The following TRIM44 variants were observed in gnomAD, a reference collection of about 807,000 sequenced individuals.
TRIM44 encodes the protein tripartite motif containing 44.
TRIM44 carries 13 observed loss-of-function variants against 37.4 expected under a neutral mutation model. That is an observed-to-expected ratio of 0.35 (90% confidence interval 0.23 to 0.55). The LOEUF is 0.55. TRIM44 is among the 20% of genes least tolerant of loss of function. The pLI is 0.89. For missense variants in TRIM44, 426 were observed against 437.2 expected (o/e 0.97, Z 0.23); for synonymous variants, 175 against 157.2 (o/e 1.11, Z -0.85).
intron 2 of TRIM44, among the ~76,000 whole-genome samples, chr11:35,718,393 C>G (rs1416339833): frequency 2.0e-5 from 3 of 151,920 alleles, no homozygotes; most frequent in African/African-American, 7.3e-5. Context: ...GAAATGGCAC[C>G]AACATAATAT....
At chr11:35,722,082 G>A (rs892174758) in intron 2 of TRIM44, among the ~76,000 whole-genome samples, 2 of 152,220 alleles carry the variant, frequency 1.3e-5, no homozygotes, top group Non-Finnish European at 2.9e-5. Context: ...CAAGTGGGGA[G>A]GACACTGTGC....
Position 35,806,515 on chromosome 11 carries a change from TC to T in TRIM44, c.*132del. 1 of 962,236 alleles carries T rather than the reference TC, an allele frequency of 1.0e-6. No homozygotes were observed. The highest frequency in any genetic ancestry group is 1.7e-6 in the Non-Finnish European group (1 of 602,036). 59.6% of individuals were successfully genotyped at this position (962,236 alleles called of 1,614,324 possible). A position where few individuals can be genotyped will look rare whatever the true frequency, so the allele number is the denominator to read the frequency against. On this transcript the variant is annotated 3_prime_UTR_variant, in exon 5 of 5. Coordinates refer to ENST00000299413, the MANE Select transcript of TRIM44 (RefSeq NM_017583.6). The stretch of plus-strand genomic sequence containing the variant: ...TACTTCCACCAGATGTGTCCCCAGA[TC>T]CACAGCAGGCACATATCTCTCCAAG...
At chr11:35,681,472 A>G (rs1851520656) in intron 1 of TRIM44, among the ~76,000 whole-genome samples, 1 of 152,110 alleles carries the variant, frequency 6.6e-6, no homozygotes, top group Admixed American at 6.5e-5. Flanking sequence ...TTTTTATTCT[A>G]CACCTTCTTA....
At chr11:35,736,495 TTTTG>T (rs1457916888) in intron 4 of TRIM44, among the ~76,000 whole-genome samples, 1 of 152,210 alleles carries the variant, frequency 6.6e-6, no homozygotes, top group Non-Finnish European at 1.5e-5. Context: ...TTCTTTGTTA[TTTTG>T]TTTGTTTGTG....
intron 4 of TRIM44, among the ~76,000 whole-genome samples, chr11:35,760,971 G>A (rs1852717497): frequency 1.3e-5 from 2 of 152,056 alleles, no homozygotes; most frequent in African/African-American, 4.8e-5. Context: ...CCAGCCTCTG[G>A]TAACTATCAT....
In TRIM44 at chr11:35,813,452, G is replaced by A. The variant is rs1428477738; in HGVS notation, c.*7067G>A. ...CATCTAGTCATCAGGCACCTCCTCA[G>A]AACCTATTTGCTCTTCCTTCACACA... is the stretch of plus-strand genomic sequence containing the variant. On this transcript the variant is annotated 3_prime_UTR_variant, in exon 5 of 5. Coordinates refer to ENST00000299413, the MANE Select transcript of TRIM44 (RefSeq NM_017583.6). 6.6e-6 allele frequency: 1 copy of A among 152,142 alleles called. No homozygotes were observed. Among genetic ancestry groups the A allele is most frequent in the East Asian group, 1.9e-4 (1 of 5,194 alleles). The allele number at this position is 152,142 out of a possible 1,614,324, so 9.4% of individuals were successfully genotyped here. A position where few individuals can be genotyped will look rare whatever the true frequency, so the allele number is the denominator to read the frequency against.
At chr11:35,778,943 C>T (rs1565021247) in intron 4 of TRIM44, among the ~76,000 whole-genome samples, 4 of 152,172 alleles carry the variant, frequency 2.6e-5, no homozygotes, top group Admixed American at 6.5e-5. Flanking sequence ...TCTCAAACGC[C>T]GTTGTGGGAG....
chr11:35,764,497 T>A (rs1397162378), intron 4 of TRIM44, among the ~76,000 whole-genome samples: 1 of 152,174 alleles, frequency 6.6e-6, no homozygotes, highest in African/African-American at 2.4e-5. Context: ...ATTAGTTGGG[T>A]CTCCATTAGC....
chr11:35,790,225 C>T (rs1296692135), intron 4 of TRIM44, among the ~76,000 whole-genome samples: 1 of 152,192 alleles, frequency 6.6e-6, no homozygotes, highest in African/African-American at 2.4e-5. Context: ...GGTCCCATGG[C>T]ATACTCTTGT....
chr11:35,799,721 A>G (rs185026032), intron 4 of TRIM44, among the ~76,000 whole-genome samples: 1 of 152,276 alleles, frequency 6.6e-6, no homozygotes, highest in Admixed American at 6.5e-5. Flanking sequence ...TGTAGAATGG[A>G]GATAATACCA....
At chr11:35,766,305 C>G (rs2133863100) in intron 4 of TRIM44, among the ~76,000 whole-genome samples, 1 of 152,206 alleles carries the variant, frequency 6.6e-6, no homozygotes, top group Admixed American at 6.5e-5. Context: ...CTAGTCCAGT[C>G]AGCTACAGTA....
At chr11:35,757,664 C>T (rs1852663611) in intron 4 of TRIM44, among the ~76,000 whole-genome samples, 1 of 152,196 alleles carries the variant, frequency 6.6e-6, no homozygotes, top group Non-Finnish European at 1.5e-5. Context: ...CTACACACTG[C>T]TTTGAATGTG....
rs796092540 is a variant in TRIM44 at position 35,792,111 on chromosome 11, A to ACACACACACTCTCT, written c.1008-14246_1008-14245insACACACACTCTCTC. On this transcript the variant is annotated intron_variant, in intron 4 of 4. Transcript: ENST00000299413. Reference sequence around the variant, plus strand: ...CACACACACACACACACACACACACACTCTCTCTCATCATTCTCTATTCCA... The same window carrying ACACACACACTCTCT: ...CACACACACACACACACACACACACACACACACACTCTCTCTCTCTCTCATCATTCTCTATTCCA... 1.3e-3 allele frequency among the ~76,000 whole-genome samples: 147 copies of ACACACACACTCTCT among 114,320 alleles called. 4 individuals are homozygous for ACACACACACTCTCT. Among genetic ancestry groups the ACACACACACTCTCT allele is most frequent in the South Asian group, 6.8e-3 (26 of 3,816 alleles). 75.0% of individuals were successfully genotyped at this position (114,320 alleles called of 152,430 possible).
intron 1 of TRIM44, among the ~76,000 whole-genome samples, chr11:35,674,464 G>T (rs1474949224): frequency 6.6e-6 from 1 of 151,988 alleles, no homozygotes; most frequent in Non-Finnish European, 1.5e-5. Context: ...TAACTCTATG[G>T]GCAGTGACTT....
rs144377115 is a variant in TRIM44 at position 35,748,952 on chromosome 11, A to T, written c.1007+13507A>T. On this transcript the variant is annotated intron_variant, in intron 4 of 4. Transcript: ENST00000299413. ...CATCTAAATGATCTGTTAGAACCAA[A>T]CTTCCATGATGTATGTATTTTTCAT... Among the ~76,000 whole-genome samples the T allele has an allele frequency of 4.1e-4, 63 of 152,338 alleles. No individual in the cohort carries two copies. In the East Asian group the frequency reaches 0.012, roughly 28 times the overall value.
At chr11:35,733,754 C>T (rs926009885) in intron 3 of TRIM44, among the ~76,000 whole-genome samples, 2 of 152,102 alleles carry the variant, frequency 1.3e-5, no homozygotes, top group African/African-American at 4.8e-5. Context: ...CACGCTCAAC[C>T]CCACATTGCC....
chr11:35,665,703 T>A (rs1032318267), intron 1 of TRIM44, among the ~76,000 whole-genome samples: 1 of 147,052 alleles, frequency 6.8e-6, no homozygotes, highest in Admixed American at 6.8e-5. Flanking sequence ...CAAACGATTC[T>A]CCTGCCTCAG....
At chr11:35,674,944 T>C (rs1848960982) in intron 1 of TRIM44, among the ~76,000 whole-genome samples, 1 of 152,192 alleles carries the variant, frequency 6.6e-6, no homozygotes, top group Non-Finnish European at 1.5e-5. Flanking sequence ...AGGTAGGCCT[T>C]GAAAGATGGG....
At position 35,715,010 on chromosome 11, in the gene TRIM44, T is replaced by C. The variant is rs368888112; in HGVS notation, c.748-10914T>C. Among the ~76,000 whole-genome samples the C allele has an allele frequency of 5.9e-5, 9 of 152,326 alleles. No individual in the cohort carries two copies. The East Asian group carries it at 1.5e-3, about 26-fold the overall frequency. ...CTCAGAAGTTTGTGATTGCTTTCTT[T>C]ATTGCCACCCTGGGGTCAGGCAAAG... On this transcript the variant is annotated intron_variant, in intron 2 of 4. Transcript: ENST00000299413.
Sources: gnomAD v4.1 joint callset for allele counts (sites outside exome capture counted in the v4.1 genomes callset) on GRCh38, gnomAD v4.1.1 for gene constraint, MANE v1.5 for transcripts, NCBI Gene and HGNC (gene_info 2026-07-23, HGNC 2026-07-21) for gene names.